Variants in WDR59 observed in about 807,000 individuals in gnomAD.
WDR59 encodes WD repeat domain 59.
WDR59 carries 100 observed loss-of-function variants against 131.2 expected under a neutral mutation model. The observed-to-expected ratio is 0.76, with a 90% CI of 0.65 to 0.90. The LOEUF (loss-of-function observed/expected upper bound fraction) is 0.90. Among genes scored for constraint, WDR59 ranks in the 40% least tolerant of loss-of-function variants. The pLI is 0.00. For synonymous variants in WDR59, 601 were observed against 466.2 expected, an observed-to-expected ratio of 1.29 and a Z score of -3.72; for missense variants, 1,203 against 1,262.2, an observed-to-expected ratio of 0.95 and a Z score of 0.71.
intron 2 of WDR59, among the ~76,000 whole-genome samples, chr16:74,957,440 G>A (rs1002918787): frequency 6.6e-6 from 1 of 152,094 alleles, no homozygotes; most frequent in African/African-American, 2.4e-5. Context: ...CTCAACAAAT[G>A]TGAGTTAAAT....
intron 8 of WDR59, among the ~76,000 whole-genome samples, chr16:74,925,809 A>T (rs904803722): frequency 6.6e-6 from 1 of 151,782 alleles, no homozygotes; most frequent in Non-Finnish European, 1.5e-5. Flanking sequence ...TAGGTGGATC[A>T]CTTGAGGCCA....
At chr16:74,951,887 C>A (rs1032302530) in intron 3 of WDR59, among the ~76,000 whole-genome samples, 1 of 152,166 alleles carries the variant, frequency 6.6e-6, no homozygotes, top group African/African-American at 2.4e-5. Flanking sequence ...CCTCCTCCCT[C>A]TGAAGGTCAC....
intron 2 of WDR59, chr16:74,959,734 T>C (rs1347093521): frequency 1.5e-5 from 3 of 205,878 alleles, no homozygotes; most frequent in South Asian, 6.9e-5. Context: ...GAGCCATGAT[T>C]GCACCACTGC....
chr16:74,896,845 G>C (rs917663781), intron 18 of WDR59, among the ~76,000 whole-genome samples: 2 of 152,082 alleles, frequency 1.3e-5, no homozygotes, highest in African/African-American at 4.8e-5. Flanking sequence ...TTCTGTGCTA[G>C]TATAAGCCTC....
intron 10 of WDR59, among the ~76,000 whole-genome samples, chr16:74,920,423 A>G (rs2144994453): frequency 6.6e-6 from 1 of 152,126 alleles, no homozygotes. Context: ...TTTTCTTTTG[A>G]GACTGTCTCG....
rs1466001893 is a variant in WDR59, at chr16:74,962,114, A to G, written c.104+3659T>C. Among the ~76,000 whole-genome samples the G allele has an allele frequency of 2.0e-5, 3 of 152,048 alleles. No homozygotes were observed. In the East Asian group the frequency reaches 5.8e-4, roughly 29 times the overall value. On this transcript the variant is annotated intron_variant, in intron 2 of 25. Coordinates refer to ENST00000262144, the MANE Select transcript of WDR59 (RefSeq NM_030581.4). ...CAGATGGTTGTAGATGTGCAGTCTTATTTCTGATATCTCTATTCTATTCCA... is the reference window on the plus strand; with the variant it reads ...CAGATGGTTGTAGATGTGCAGTCTTGTTTCTGATATCTCTATTCTATTCCA...
At chr16:74,874,782 G>A (rs1317269600) in intron 25 of WDR59, among the ~76,000 whole-genome samples, 1 of 152,138 alleles carries the variant, frequency 6.6e-6, no homozygotes, top group East Asian at 1.9e-4. Flanking sequence ...GTAGAGACGG[G>A]GTTTCGCCAT....
intron 25 of WDR59, among the ~76,000 whole-genome samples, chr16:74,879,170 T>C (rs895936077): frequency 2.0e-5 from 3 of 152,062 alleles, no homozygotes; most frequent in Non-Finnish European, 4.4e-5. Context: ...CTGGGCAACA[T>C]GGCAAGACTC....
rs528112182 is a variant in WDR59 at position 74,874,086 on chromosome 16, G to A, written c.*123C>T. ...AGAGCTGATGCTGCGCAGTCCTTGG[G>A]GGATCATCCTCCGGTCTCACTGGGG... is the stretch of plus-strand genomic sequence containing the variant. On this transcript the variant is annotated 3_prime_UTR_variant, in exon 26 of 26. Transcript: ENST00000262144. 43 of 793,366 alleles carry A rather than the reference G, an allele frequency of 5.4e-5. No individual in the cohort carries two copies. The highest frequency in any genetic ancestry group is 2.5e-4 in the Admixed American group (10 of 39,494). 49.1% of individuals were successfully genotyped at this position (793,366 alleles called of 1,614,324 possible).
rs552247641 is a variant in WDR59, at chr16:74,948,665, G to T, written c.408-109C>A. ...TCGCTTTCCTTTCAGTGGGAACTTG[G>T]AGTAGGTAGATCCGCTGTGAGGGCC... On this transcript the variant is annotated intron_variant, in intron 5 of 25. Transcript: ENST00000262144. 2.1e-5 allele frequency: 19 copies of T among 910,230 alleles called. No homozygotes were observed. The East Asian group carries it at 4.6e-4, about 22-fold the overall frequency. 56.4% of individuals were successfully genotyped at this position (910,230 alleles called of 1,614,324 possible).
rs1176060747 is a variant in WDR59, at chr16:74,909,548, G to A, written c.1595C>T (p.Ala532Val). Residue 532 changes from alanine (A) to valine (V), a missense_variant, in exon 16 of 26, where the codon GCC becomes GTC. Ala to Val is a moderately conservative substitution (Grantham distance 64). Coordinates refer to ENST00000262144, the MANE Select transcript of WDR59 (RefSeq NM_030581.4). The part of the protein sequence containing the change: ...VTTAYGSYQD[A>V]NIPFPRTSGA... ...AGAAGTCCTAGGAAAGGGAATGTTGGCGTCCTGGTACGACCCGTAAGCCGT... is the reference window on the plus strand; with the variant it reads ...AGAAGTCCTAGGAAAGGGAATGTTGACGTCCTGGTACGACCCGTAAGCCGT... 1.9e-6 allele frequency: 3 copies of A among 1,606,614 alleles called. No individual in the cohort carries two copies. The highest frequency in any genetic ancestry group is 1.7e-5 in the Admixed American group (1 of 58,928).
At chr16:74,874,811 G>A (rs1056558363) in intron 25 of WDR59, among the ~76,000 whole-genome samples, 2 of 152,122 alleles carry the variant, frequency 1.3e-5, no homozygotes, top group South Asian at 2.1e-4. Context: ...GGCTGGTCTC[G>A]AACTCCTGAC....
intron 25 of WDR59, among the ~76,000 whole-genome samples, chr16:74,876,659 G>A (rs533479550): frequency 1.3e-5 from 2 of 152,194 alleles, no homozygotes; most frequent in African/African-American, 4.8e-5. Context: ...GATCTTTGGG[G>A]GGATCTGGAC....
chr16:74,877,387 G>C (rs58458038), intron 25 of WDR59, among the ~76,000 whole-genome samples: 2 of 152,332 alleles, frequency 1.3e-5, no homozygotes, highest in Non-Finnish European at 2.9e-5. Flanking sequence ...GCCTGGATAA[G>C]AGAGGTTCCT....
At chr16:74,940,792 G>A (rs543219426) in intron 7 of WDR59, among the ~76,000 whole-genome samples, 210 of 151,984 alleles carry the variant, frequency 1.4e-3, no homozygotes, top group Non-Finnish European at 2.7e-3. Context: ...TGCAAGCTCC[G>A]CCTCCCGGGT....
intron 13 of WDR59, among the ~76,000 whole-genome samples, chr16:74,912,758 T>C (rs901504267): frequency 6.6e-6 from 1 of 152,212 alleles, no homozygotes; most frequent in Non-Finnish European, 1.5e-5. Context: ...GTGATAAGCA[T>C]TGTTTCTATA....
At chr16:74,936,359 C>A (rs1156520723) in intron 8 of WDR59, among the ~76,000 whole-genome samples, 1 of 151,864 alleles carries the variant, frequency 6.6e-6, no homozygotes, top group African/African-American at 2.4e-5. Flanking sequence ...TAAAGTCCTC[C>A]CAGGAAACTG....
chr16:74,946,902 C>A (rs1381173219), intron 6 of WDR59, among the ~76,000 whole-genome samples: 1 of 151,306 alleles, frequency 6.6e-6, no homozygotes, highest in Non-Finnish European at 1.5e-5. Context: ...TCCAATGCAC[C>A]AAGGAGATAC....
chr16:74,922,684 C>A (rs949349096), intron 9 of WDR59, among the ~76,000 whole-genome samples: 6 of 152,338 alleles, frequency 3.9e-5, no homozygotes, highest in Admixed American at 3.9e-4. Context: ...GATAATTAGA[C>A]TCTGTTATTT....
Sources: gnomAD v4.1 joint callset for allele counts (sites outside exome capture counted in the v4.1 genomes callset) on GRCh38, gnomAD v4.1.1 for gene constraint, MANE v1.5 for transcripts, NCBI Gene and HGNC (gene_info 2026-07-23, HGNC 2026-07-21) for gene names.